SGCZ: variants seen among roughly 807,000 people sequenced by gnomAD.
SGCZ encodes zeta-sarcoglycan.
Under a neutral mutation model 41.3 loss-of-function variants are expected in SGCZ, and 40 were observed. The ratio of observed to expected loss-of-function variants is 0.97; its 90% CI spans 0.75 to 1.26. The LOEUF is 1.26. Among genes scored for constraint, SGCZ ranks in the 50% most tolerant of loss-of-function variants. The pLI, the probability that SGCZ is intolerant of heterozygous loss-of-function variation, is 0.00. For missense variants in SGCZ, 552 were observed against 369.8 expected, an observed-to-expected ratio of 1.49 and a Z score of -4.04; for synonymous variants, 206 against 137.5, an observed-to-expected ratio of 1.50 and a Z score of -3.49.
chr8:14,117,408 CTGTGTGTG>C lies in SGCZ; in HGVS notation c.548-9181_548-9174del, dbSNP rs57595662. ...AATTGTGACACTGAGATGCACACAT[CTGTGTGTG>C]TGTGTGTGTGTGTGTGTGTGTGTGT... On this transcript the variant is annotated intron_variant, in intron 5 of 7. Coordinates refer to ENST00000382080, the MANE Select transcript of SGCZ (RefSeq NM_139167.4). Among the ~76,000 whole-genome samples, 544 of 131,566 alleles carry C rather than the reference CTGTGTGTG, an allele frequency of 4.1e-3. 3 individuals are homozygous for C. The highest frequency in any genetic ancestry group is 0.014 in the African/African-American group (502 of 35,948). 86.3% of individuals were successfully genotyped at this position (131,566 alleles called of 152,430 possible).
chr8:14,166,916 A>T (rs10102785), intron 4 of SGCZ, among the ~76,000 whole-genome samples: 8 of 151,944 alleles, frequency 5.3e-5, no homozygotes, highest in Admixed American at 3.3e-4. Flanking sequence ...CATCTAAGCC[A>T]TAAATAAATG....
At chr8:14,191,957 T>C (rs1024003360) in intron 4 of SGCZ, among the ~76,000 whole-genome samples, 17 of 152,194 alleles carry the variant, frequency 1.1e-4, no homozygotes, top group African/African-American at 4.1e-4. Context: ...AAATAAAGTA[T>C]AGGAAAGCTC....
At chr8:14,551,519 TATATAA>T (rs1803835426) in intron 2 of SGCZ, among the ~76,000 whole-genome samples, 2 of 5,180 alleles carry the variant, frequency 3.9e-4, no homozygotes, top group Non-Finnish European at 5.9e-4. Flanking sequence ...ATATATATTA[TATATAA>T]TATATATAAT....
chr8:14,097,391 A>G (rs545350882), intron 7 of SGCZ, among the ~76,000 whole-genome samples: 78 of 152,080 alleles, frequency 5.1e-4, no homozygotes, highest in African/African-American at 1.8e-3. Flanking sequence ...CAGTTTCCAT[A>G]TGGTTGTGTG....
chr8:14,580,477 T>A (rs1021969840), intron 1 of SGCZ, among the ~76,000 whole-genome samples: 2 of 152,172 alleles, frequency 1.3e-5, no homozygotes, highest in South Asian at 2.1e-4. Context: ...ATCATAATTA[T>A]CTGAAGAAAA....
At chr8:14,979,911 C>G (rs1199330585) in intron 1 of SGCZ, among the ~76,000 whole-genome samples, 2 of 152,070 alleles carry the variant, frequency 1.3e-5, no homozygotes, top group Non-Finnish European at 2.9e-5. Flanking sequence ...TGTATTTTTT[C>G]TCACTGTGTG....
At chr8:14,860,741 AGTAAGTAAGTG>A (rs1803718681) in intron 1 of SGCZ, among the ~76,000 whole-genome samples, 1 of 139,942 alleles carries the variant, frequency 7.1e-6, no homozygotes, top group East Asian at 2.5e-4. Flanking sequence ...AAAGAAAGTA[AGTAAGTAAGTG>A]AGGGAGGGAG....
chr8:15,042,691 C>T (rs867631932), intron 1 of SGCZ, among the ~76,000 whole-genome samples: 2 of 152,100 alleles, frequency 1.3e-5, no homozygotes, highest in South Asian at 4.1e-4. Context: ...CTGTGAAACC[C>T]TTTATGCACA....
chr8:14,099,869 T>C (rs1801958317), intron 7 of SGCZ, among the ~76,000 whole-genome samples: 1 of 149,876 alleles, frequency 6.7e-6, no homozygotes, highest in African/African-American at 2.5e-5. Flanking sequence ...TGAAATACTT[T>C]ACAATACTAT....
rs1213495225 is a variant in SGCZ, at chr8:15,208,294, T to A, written c.39+29291A>T. Among the ~76,000 whole-genome samples, 7 of 152,138 alleles carry A rather than the reference T, an allele frequency of 4.6e-5. No homozygotes were observed. The East Asian group carries it at 9.7e-4, about 21-fold the overall frequency. On this transcript the variant is annotated intron_variant, in intron 1 of 7. Coordinates refer to ENST00000382080, the MANE Select transcript of SGCZ (RefSeq NM_139167.4). ...TTCCCAATATAGGTATGGCATATTA[T>A]AGCAAAAAAAAATTATCATCAATGA... is the stretch of plus-strand genomic sequence containing the variant.
intron 1 of SGCZ, among the ~76,000 whole-genome samples, chr8:14,837,942 T>C (rs113416985): frequency 0.013 from 1,979 of 152,258 alleles, 21 homozygotes; most frequent in Non-Finnish European, 0.02. Context: ...TTCCACTCTT[T>C]TAGTTATTTC....
At chr8:14,096,728 T>C (rs1033062659) in intron 7 of SGCZ, among the ~76,000 whole-genome samples, 74 of 152,278 alleles carry the variant, frequency 4.9e-4, no homozygotes, top group African/African-American at 1.7e-3. Context: ...TGTATCTGTC[T>C]GGTCCAGAAC....
chr8:14,347,607 A>G (rs1802934001), intron 2 of SGCZ, among the ~76,000 whole-genome samples: 1 of 145,582 alleles, frequency 6.9e-6, no homozygotes, highest in Admixed American at 6.8e-5. Context: ...ACTTTATAAA[A>G]TAAAAATTAT....
chr8:14,339,357 G>T (rs1802618959), intron 2 of SGCZ, among the ~76,000 whole-genome samples: 1 of 152,174 alleles, frequency 6.6e-6, no homozygotes, highest in Non-Finnish European at 1.5e-5. Context: ...CAATTGCTGA[G>T]AATGGTTGTT....
intron 2 of SGCZ, among the ~76,000 whole-genome samples, chr8:14,485,013 T>G (rs1801634816): frequency 6.6e-6 from 1 of 152,206 alleles, no homozygotes; most frequent in Admixed American, 6.5e-5. Context: ...AGTATTTTGT[T>G]TCTCTTTATG....
chr8:14,975,813 G>A (rs200415705), intron 1 of SGCZ, among the ~76,000 whole-genome samples: 2,749 of 63,562 alleles, frequency 0.043, 86 homozygotes, highest in East Asian at 0.25. Flanking sequence ...ATATATATGT[G>A]TGTGTGTGTG....
chr8:14,828,688 G>C (rs1392832483), intron 1 of SGCZ, among the ~76,000 whole-genome samples: 1 of 152,134 alleles, frequency 6.6e-6, no homozygotes, highest in Admixed American at 6.5e-5. Flanking sequence ...CAGTTGTTTG[G>C]GATGCTCAAG....
At chr8:14,315,738 T>A (rs1801693222) in intron 3 of SGCZ, among the ~76,000 whole-genome samples, 1 of 150,768 alleles carries the variant, frequency 6.6e-6, no homozygotes, top group Non-Finnish European at 1.5e-5. Context: ...ATTCAATAAA[T>A]CAGAAAAATG....
intron 1 of SGCZ, among the ~76,000 whole-genome samples, chr8:14,840,420 G>T (rs1157446220): frequency 6.6e-6 from 1 of 152,096 alleles, no homozygotes; most frequent in African/African-American, 2.4e-5. Flanking sequence ...CGTTTCAGTT[G>T]TAATAATACA....
Sources: gnomAD v4.1 joint callset for allele counts (sites outside exome capture counted in the v4.1 genomes callset) on GRCh38, gnomAD v4.1.1 for gene constraint, MANE v1.5 for transcripts, NCBI Gene and HGNC (gene_info 2026-07-23, HGNC 2026-07-21) for gene names.